Variants in NBAS observed in about 807,000 individuals in gnomAD.
NBAS encodes NAG/BC035112 fusion.
In NBAS, 219 loss-of-function variants were observed where a neutral mutation model predicts 302.5. The ratio of observed to expected loss-of-function variants is 0.72; its 90% CI spans 0.65 to 0.81. The LOEUF (loss-of-function observed/expected upper bound fraction) is 0.81, where lower values mean the gene tolerates loss of function less well. NBAS is among the 30% of genes least tolerant of loss of function. NBAS has a pLI of 0.00. For synonymous variants in NBAS, 1,118 were observed against 1,021.6 expected, an observed-to-expected ratio of 1.09 and a Z score of -1.80; for missense variants, 2,932 against 2,841.6, an observed-to-expected ratio of 1.03 and a Z score of -0.72.
chr2:15,484,161 A>T (rs1398576402), intron 12 of NBAS, among the ~76,000 whole-genome samples: 1 of 152,178 alleles, frequency 6.6e-6, no homozygotes, highest in Admixed American at 6.5e-5. Context: ...CTACTTGCAC[A>T]TTTCTAGGGT....
chr2:14,850,269 G>A, the NBAS span, among the ~76,000 whole-genome samples: 1 of 126,502 alleles, frequency 7.9e-6, no homozygotes, highest in Non-Finnish European at 1.5e-5. Flanking sequence ...AAAAGGCAGG[G>A]GTTGCAATCC....
At chr2:15,468,206 T>A (rs1679807867) in intron 17 of NBAS, among the ~76,000 whole-genome samples, 176 bp downstream of exon 17, 1 of 152,200 alleles carries the variant, frequency 6.6e-6, no homozygotes, top group Non-Finnish European at 1.5e-5. Context: ...TTATATTTTT[T>A]AAAAAGTTCC....
the NBAS span, among the ~76,000 whole-genome samples, chr2:15,161,245 G>A: frequency 6.6e-6 from 1 of 152,126 alleles, no homozygotes; most frequent in Non-Finnish European, 1.5e-5. Flanking sequence ...GTGGTTCGTG[G>A]CTAACCGCTA....
intron 21 of NBAS, among the ~76,000 whole-genome samples, chr2:15,434,534 T>C (rs1677917192): frequency 6.6e-6 from 1 of 152,198 alleles, no homozygotes; most frequent in South Asian, 2.1e-4. Context: ...GTCTCCCAAA[T>C]AAAACACTTA....
chr2:14,887,977 G>A, the NBAS span, among the ~76,000 whole-genome samples: 1 of 152,170 alleles, frequency 6.6e-6, no homozygotes, highest in Non-Finnish European at 1.5e-5. Flanking sequence ...ACCCATGAAA[G>A]CAACATCATG....
At chr2:14,931,385 C>A in the NBAS span, among the ~76,000 whole-genome samples, 1 of 152,096 alleles carries the variant, frequency 6.6e-6, no homozygotes, top group Non-Finnish European at 1.5e-5. Flanking sequence ...GACAAACGGC[C>A]CCCTTGTTTC....
chr2:15,086,062 C>T, the NBAS span, among the ~76,000 whole-genome samples: 1 of 152,082 alleles, frequency 6.6e-6, no homozygotes, highest in Non-Finnish European at 1.5e-5. Context: ...ACCTGGGGGA[C>T]AGGTTTCCAG....
chr2:15,002,491 G>A, the NBAS span, among the ~76,000 whole-genome samples: 787 of 152,298 alleles, frequency 5.2e-3, 4 homozygotes, highest in Non-Finnish European at 8.1e-3. Flanking sequence ...TCCCGCACCG[G>A]GACTGCAGGT....
the NBAS span, among the ~76,000 whole-genome samples, chr2:14,819,598 A>G: frequency 6.6e-6 from 1 of 152,252 alleles, no homozygotes; most frequent in Non-Finnish European, 1.5e-5. Context: ...GAAGATCCCA[A>G]TAGGACTAAG....
chr2:15,203,301 T>C (rs1665969771), intron 48 of NBAS, among the ~76,000 whole-genome samples: 1 of 152,160 alleles, frequency 6.6e-6, no homozygotes, highest in South Asian at 2.1e-4. Context: ...TTTCCTTATG[T>C]GATGAATGGA....
At chr2:15,086,568 C>G in the NBAS span, among the ~76,000 whole-genome samples, 65 of 152,300 alleles carry the variant, frequency 4.3e-4, no homozygotes, top group African/African-American at 1.3e-3. Context: ...GTGAGCTTCC[C>G]AAGTTAGGGA....
At chr2:14,955,650 C>T in the NBAS span, among the ~76,000 whole-genome samples, 1 of 152,244 alleles carries the variant, frequency 6.6e-6, no homozygotes, top group Admixed American at 6.5e-5. Flanking sequence ...GACCCAACAC[C>T]ATGTGGAAGC....
chr2:15,451,554 A>C (rs1679011720), intron 21 of NBAS, among the ~76,000 whole-genome samples: 2 of 152,200 alleles, frequency 1.3e-5, no homozygotes, highest in Non-Finnish European at 2.9e-5. Flanking sequence ...TGATCTTTTT[A>C]AAGGTAAATT....
the NBAS span, among the ~76,000 whole-genome samples, chr2:14,887,399 C>CAAAAAAAAAAAAAAAAAAAA: frequency 1.3e-4 from 11 of 84,608 alleles, no homozygotes; most frequent in African/African-American, 4.1e-4. Context: ...TGAGACTCCT[C>CAAAAAAAAAAAAAAAAAAAA]AAAAAAAAAA....
chr2:15,535,822 T>G (rs894496586), intron 8 of NBAS, among the ~76,000 whole-genome samples: 3 of 152,212 alleles, frequency 2.0e-5, no homozygotes, highest in African/African-American at 7.2e-5. Flanking sequence ...GAGGGATGAC[T>G]GTATATTATT....
At chr2:15,497,090 C>T (rs1181780276) in intron 11 of NBAS, among the ~76,000 whole-genome samples, 3 of 152,072 alleles carry the variant, frequency 2.0e-5, no homozygotes, top group Admixed American at 6.6e-5. Flanking sequence ...CCTTGATGAG[C>T]TGAGATAAGG....
the NBAS span, among the ~76,000 whole-genome samples, chr2:14,781,538 G>T: frequency 6.6e-6 from 1 of 152,014 alleles, no homozygotes; most frequent in Non-Finnish European, 1.5e-5. Flanking sequence ...AAATGGCAGA[G>T]GACATCATTA....
Position 15,190,935 on chromosome 2 carries a change from G to A in NBAS, c.6433-532C>T, listed in dbSNP as rs1361940832. ...TATCCTTTATTTATACCTCCATTTC[G>A]AATGAAAAAGTAGTCTCTGCCAAAT... is the stretch of plus-strand genomic sequence containing the variant. On this transcript the variant is annotated intron_variant, in intron 48 of 51. Coordinates refer to ENST00000281513, the MANE Select transcript of NBAS (RefSeq NM_015909.4). Among the ~76,000 whole-genome samples the A allele has an allele frequency of 2.6e-5, 4 of 151,968 alleles. No homozygotes were observed. In the East Asian group the frequency reaches 5.8e-4, roughly 22 times the overall value.
chr2:15,470,964 A>G (rs1478886543), intron 16 of NBAS, among the ~76,000 whole-genome samples: 2 of 152,138 alleles, frequency 1.3e-5, no homozygotes, highest in African/African-American at 4.8e-5. Flanking sequence ...CTCCATCTCA[A>G]AACAAAACAA....
Sources: gnomAD v4.1 joint callset for allele counts (sites outside exome capture counted in the v4.1 genomes callset) on GRCh38, gnomAD v4.1.1 for gene constraint, MANE v1.5 for transcripts, NCBI Gene and HGNC (gene_info 2026-07-23, HGNC 2026-07-21) for gene names.